CNTN4: variants seen among roughly 807,000 people sequenced by gnomAD.
CNTN4 encodes the protein contactin-4.
CNTN4 carries 77 observed loss-of-function variants against 122.5 expected under a neutral mutation model. The observed-to-expected ratio is 0.63, with a 90% CI of 0.52 to 0.76. The LOEUF (loss-of-function observed/expected upper bound fraction) is 0.76, where lower values mean the gene tolerates loss of function less well. Ranked by LOEUF, CNTN4 falls within the 30% of genes least tolerant of loss-of-function variation. CNTN4 has a pLI of 0.00. For synonymous variants in CNTN4, 512 were observed against 447.0 expected (o/e 1.15, Z -1.83); for missense variants, 1,256 against 1,259.1 (o/e 1.00, Z 0.04).
At position 2,615,592 on chromosome 3, in the gene CNTN4, T is replaced by TA. The variant is rs2149867591; in HGVS notation, c.55+44035dup. Among the ~76,000 whole-genome samples, 3 of 152,102 alleles carry TA rather than the reference T, an allele frequency of 2.0e-5. No individual in the cohort carries two copies. The South Asian group carries it at 6.2e-4, about 32-fold the overall frequency. On this transcript the variant is annotated intron_variant, in intron 4 of 24. Coordinates refer to ENST00000418658, the MANE Select transcript of CNTN4 (RefSeq NM_175607.3). Reference sequence around the variant, plus strand: ...ATCTATTTCACTCTAAAAAAAAACTTAGAGGGCTAAGCAGCTTTATTGAAG... The same window carrying TA: ...ATCTATTTCACTCTAAAAAAAAACTTAAGAGGGCTAAGCAGCTTTATTGAAG...
intron 13 of CNTN4, among the ~76,000 whole-genome samples, chr3:2,950,672 G>C (rs1027574168): frequency 6.6e-6 from 1 of 152,180 alleles, no homozygotes; most frequent in Non-Finnish European, 1.5e-5. Context: ...ACTCTCATTT[G>C]AGCTCCCTTG....
chr3:2,354,577 A>G (rs774335145), intron 3 of CNTN4, among the ~76,000 whole-genome samples: 14 of 152,210 alleles, frequency 9.2e-5, no homozygotes, highest in Admixed American at 5.9e-4. Flanking sequence ...AAGGAGTTAC[A>G]TAAGTAGGCT....
At chr3:2,812,007 G>T (rs1019479108) in intron 6 of CNTN4, among the ~76,000 whole-genome samples, 1 of 152,020 alleles carries the variant, frequency 6.6e-6, no homozygotes, top group African/African-American at 2.4e-5. Context: ...AGGTAAGGCC[G>T]TTATCCTCAG....
At chr3:2,975,758 A>G (rs899533730) in intron 13 of CNTN4, among the ~76,000 whole-genome samples, 2 of 152,112 alleles carry the variant, frequency 1.3e-5, no homozygotes, top group Non-Finnish European at 2.9e-5. Context: ...ATATATTTTA[A>G]TGTTTTTTTC....
rs541067668 is a variant in CNTN4, at chr3:2,385,751, T to C, written c.-89+46518T>C. Among the ~76,000 whole-genome samples the C allele has an allele frequency of 3.9e-5, 6 of 152,096 alleles. No homozygotes were observed. Among genetic ancestry groups the C allele is most frequent in the South Asian group, 2.1e-4 (1 of 4,824 alleles). On this transcript the variant is annotated intron_variant, in intron 3 of 24. Transcript: ENST00000418658. This position sits in a 1 kb window ranked among gnomAD's most constrained non-coding sequence, Gnocchi z 4.0. ...TCTTCTCATAAGGACATAAGTCTTA[T>C]TGGATATGACCTATCCTAATGAACT...
chr3:2,727,191 T>C (rs2176260), intron 4 of CNTN4, among the ~76,000 whole-genome samples: 25,341 of 152,112 alleles, frequency 0.17, 2,421 homozygotes, highest in East Asian at 0.44. Flanking sequence ...GAATTTAAAA[T>C]GTTTGTAATT....
chr3:2,904,021 G>T (rs929476665), intron 12 of CNTN4, among the ~76,000 whole-genome samples: 2 of 151,476 alleles, frequency 1.3e-5, no homozygotes, highest in African/African-American at 4.8e-5. Context: ...ATCTATGGAC[G>T]TTAAAAAAAA....
intron 3 of CNTN4, among the ~76,000 whole-genome samples, chr3:2,485,090 TGCCG>T: frequency 6.6e-6 from 1 of 152,184 alleles, no homozygotes; most frequent in African/African-American, 2.4e-5. Context: ...CCCCCAGCAG[TGCCG>T]GCCGGCCAGT....
intron 3 of CNTN4, among the ~76,000 whole-genome samples, chr3:2,367,397 C>T (rs899402658): frequency 3.9e-5 from 6 of 152,040 alleles, no homozygotes; most frequent in African/African-American, 1.2e-4. Context: ...TTACATGAAA[C>T]GAAAAACACA....
chr3:2,474,952 A>G (rs1180105562), intron 3 of CNTN4, among the ~76,000 whole-genome samples: 1 of 152,210 alleles, frequency 6.6e-6, no homozygotes, highest in Non-Finnish European at 1.5e-5. Context: ...AGACAGCTAA[A>G]TTGTTTTTAA....
At chr3:2,498,692 G>C (rs1559609517) in intron 3 of CNTN4, among the ~76,000 whole-genome samples, 1 of 152,044 alleles carries the variant, frequency 6.6e-6, no homozygotes, top group Non-Finnish European at 1.5e-5. Context: ...ATGTTTCTCA[G>C]GCTGATACTG....
At chr3:2,209,005 A>G (rs2038487432) in intron 2 of CNTN4, among the ~76,000 whole-genome samples, 2 of 152,146 alleles carry the variant, frequency 1.3e-5, no homozygotes, top group Non-Finnish European at 2.9e-5. Context: ...CTTTATTGTG[A>G]TATTGTTCTG....
At chr3:2,563,934 A>G (rs2079055570) in intron 3 of CNTN4, among the ~76,000 whole-genome samples, 1 of 152,088 alleles carries the variant, frequency 6.6e-6, no homozygotes, top group Admixed American at 6.6e-5. Flanking sequence ...AAAAAAAGAA[A>G]AGCAGTATAC....
intron 13 of CNTN4, among the ~76,000 whole-genome samples, chr3:2,942,010 A>G (rs1367526550): frequency 6.6e-6 from 1 of 152,006 alleles, no homozygotes; most frequent in African/African-American, 2.4e-5. Context: ...GTAATTCCAT[A>G]TTTATGTTTT....
At chr3:2,967,117 A>C (rs1692397582) in intron 13 of CNTN4, among the ~76,000 whole-genome samples, 1 of 152,110 alleles carries the variant, frequency 6.6e-6, no homozygotes, top group Admixed American at 6.5e-5. Flanking sequence ...GTTTTTAAGG[A>C]TAATTTGGTG....
intron 3 of CNTN4, among the ~76,000 whole-genome samples, chr3:2,427,860 T>G (rs1423709101): frequency 6.6e-6 from 1 of 151,938 alleles, no homozygotes; most frequent in Non-Finnish European, 1.5e-5. Flanking sequence ...TTTGTTGGTT[T>G]AAAGTCTGTT....
intron 13 of CNTN4, among the ~76,000 whole-genome samples, chr3:2,928,019 A>G (rs1289683776): frequency 3.3e-5 from 5 of 152,120 alleles, no homozygotes; most frequent in African/African-American, 1.2e-4. Flanking sequence ...CAGGTGTAGT[A>G]TATAGGGGAA....
At chr3:2,860,295 T>A (rs1321760754) in intron 7 of CNTN4, among the ~76,000 whole-genome samples, 1 of 152,238 alleles carries the variant, frequency 6.6e-6, no homozygotes, top group Non-Finnish European at 1.5e-5. Flanking sequence ...ATTCTCAGTC[T>A]GTGTCTGGCA....
intron 5 of CNTN4, among the ~76,000 whole-genome samples, chr3:2,744,283 G>A (rs1048105935): frequency 1.3e-5 from 2 of 152,110 alleles, no homozygotes; most frequent in South Asian, 2.1e-4. Context: ...ACTAACTCAC[G>A]TACATTTTTT....
Sources: allele counts gnomAD v4.1 joint callset (sites outside exome capture counted in the v4.1 genomes callset), GRCh38; gene constraint gnomAD v4.1.1; non-coding constraint Gnocchi (gnomAD v3.1); transcripts MANE v1.5; gene names NCBI Gene and HGNC (gene_info 2026-07-23, HGNC 2026-07-21).